The following FGF14 variants were observed in gnomAD, a reference collection of about 807,000 sequenced individuals.
FGF14 encodes fibroblast growth factor 14, also known as fibroblast growth factor homologous factor 4.
A neutral mutation model predicts 25.5 loss-of-function variants in FGF14; 5 were observed. That is an observed-to-expected ratio of 0.20 (90% CI 0.10 to 0.41). FGF14 has a LOEUF of 0.41. Among genes scored for constraint, FGF14 ranks in the 10% least tolerant of loss-of-function variants. FGF14 has a pLI of 1.00. For missense variants in FGF14, 222 were observed against 320.1 expected (o/e 0.69, Z 2.34); for synonymous variants, 138 against 118.3 (o/e 1.17, Z -1.08).
At chr13:102,055,994 C>G (rs773790872) in intron 1 of FGF14, among the ~76,000 whole-genome samples, 12 of 152,158 alleles carry the variant, frequency 7.9e-5, no homozygotes, top group African/African-American at 2.9e-4. Context: ...TTCACTACCA[C>G]GAGAACAGTA....
intron 1 of FGF14, among the ~76,000 whole-genome samples, chr13:102,075,278 G>T (rs964244315): frequency 9.2e-5 from 14 of 152,150 alleles, no homozygotes; most frequent in African/African-American, 3.4e-4. Flanking sequence ...TGCTAACTAT[G>T]AACTATCAGA....
intron 3 of FGF14, chr13:101,802,493 G>A (rs2040933848): frequency 5.9e-6 from 1 of 170,326 alleles, no homozygotes; most frequent in Non-Finnish European, 1.3e-5. Context: ...TTTAGAGGAG[G>A]AGAGTGCTGT....
chr13:101,811,042 G>A (rs376468715), intron 3 of FGF14, among the ~76,000 whole-genome samples: 3 of 85,230 alleles, frequency 3.5e-5, no homozygotes, highest in South Asian at 4.4e-4. Context: ...GCCCCCCCCG[G>A]CCCCCGCATT....
chr13:102,240,597 G>C (rs2051548162), intron 1 of FGF14, among the ~76,000 whole-genome samples: 1 of 152,152 alleles, frequency 6.6e-6, no homozygotes, highest in African/African-American at 2.4e-5. Flanking sequence ...AACTACTGCA[G>C]TGCCAGTTCT....
At chr13:101,852,613 T>G (rs547233089) in intron 3 of FGF14, among the ~76,000 whole-genome samples, 34 of 152,002 alleles carry the variant, frequency 2.2e-4, no homozygotes, top group Non-Finnish European at 4.3e-4. Context: ...TGACACTCTC[T>G]TAAAGGAAAT....
In FGF14 at chr13:101,719,514, A is replaced by T. The variant is rs2034847847; in HGVS notation, c.*3317T>A. ...TCTTTACATAGGGTGGAGAATTGTC[A>T]TGTCTTCTCTAATTTTTCCAAGTAA... On this transcript the variant is annotated 3_prime_UTR_variant, in exon 5 of 5. Coordinates refer to ENST00000376143, the MANE Select transcript of FGF14 (RefSeq NM_004115.4). 1 of 152,126 alleles carries T rather than the reference A, an allele frequency of 6.6e-6. No individual in the cohort carries two copies. The highest frequency in any genetic ancestry group is 1.5e-5 in the Non-Finnish European group (1 of 67,996). The allele number at this position is 152,126 out of a possible 1,614,324, so 9.4% of individuals were successfully genotyped here. A position where few individuals can be genotyped will look rare whatever the true frequency, so the allele number is the denominator to read the frequency against.
At chr13:102,391,935 T>C (rs201065459) in intron 1 of FGF14, among the ~76,000 whole-genome samples, 1 of 152,234 alleles carries the variant, frequency 6.6e-6, no homozygotes, top group Admixed American at 6.5e-5. Context: ...TAAGTGGCTG[T>C]TGAAACAAAA....
intron 1 of FGF14, among the ~76,000 whole-genome samples, chr13:102,146,442 A>G (rs1197880367): frequency 3.3e-5 from 5 of 152,174 alleles, no homozygotes; most frequent in Admixed American, 2.6e-4. Context: ...TGTGCAAGAG[A>G]ACTTAAATAC....
intron 1 of FGF14, among the ~76,000 whole-genome samples, chr13:102,156,748 A>T (rs1364225005): frequency 6.6e-6 from 1 of 152,160 alleles, no homozygotes; most frequent in Non-Finnish European, 1.5e-5. Context: ...ACATGATTGT[A>T]TATCTAGAAA....
At chr13:102,333,944 C>T (rs1393317503) in intron 1 of FGF14, among the ~76,000 whole-genome samples, 3 of 152,148 alleles carry the variant, frequency 2.0e-5, no homozygotes, top group Admixed American at 2.0e-4. Context: ...TTTTCCCTGG[C>T]TGACAGCAAT....
chr13:102,335,449 T>C (rs1594883493), intron 1 of FGF14, among the ~76,000 whole-genome samples: 2 of 152,052 alleles, frequency 1.3e-5, no homozygotes, highest in African/African-American at 2.4e-5. Flanking sequence ...TAGTCTTTTG[T>C]TAAGATTAAG....
Position 101,768,472 on chromosome 13 carries a change from TAA to T in FGF14, c.409-41664_409-41663del, listed in dbSNP as rs1237479485. Among the ~76,000 whole-genome samples the T allele has an allele frequency of 2.6e-5, 4 of 152,238 alleles. No individual in the cohort carries two copies. In the South Asian group the frequency reaches 6.2e-4, roughly 24 times the overall value. On this transcript the variant is annotated intron_variant, in intron 3 of 4. Transcript: ENST00000376143. ...TTGGTGGATTTTGACACACTGATACTAAAGTTTACACGGAGAGGCAAAGGTCC... is the reference window on the plus strand; with the variant it reads ...TTGGTGGATTTTGACACACTGATACTAGTTTACACGGAGAGGCAAAGGTCC...
chr13:101,769,480 C>A lies in FGF14; in HGVS notation c.409-42670G>T, dbSNP rs1168232208. ...ATGTACCCTAAAATGCTAAAAACTT[C>A]TGTCTACACGAAAACCTGCATGCAA... On this transcript the variant is annotated intron_variant, in intron 3 of 4. Coordinates refer to ENST00000376143, the MANE Select transcript of FGF14 (RefSeq NM_004115.4). Among the ~76,000 whole-genome samples the A allele has an allele frequency of 2.6e-5, 4 of 152,144 alleles. No individual in the cohort carries two copies. In the East Asian group the frequency reaches 5.8e-4, roughly 22 times the overall value.
chr13:102,065,085 C>T (rs1357051103), intron 1 of FGF14, among the ~76,000 whole-genome samples: 1 of 151,968 alleles, frequency 6.6e-6, no homozygotes, highest in Non-Finnish European at 1.5e-5. Flanking sequence ...GTTCTTTGTT[C>T]CAAATAATAT....
intron 1 of FGF14, among the ~76,000 whole-genome samples, chr13:102,083,201 A>G (rs999028925): frequency 1.3e-5 from 2 of 152,170 alleles, no homozygotes; most frequent in African/African-American, 4.8e-5. Context: ...CACCATTGCT[A>G]TCACCTTGGT....
intron 1 of FGF14, among the ~76,000 whole-genome samples, chr13:101,922,249 C>T (rs910378783): frequency 2.6e-5 from 4 of 152,204 alleles, no homozygotes; most frequent in Non-Finnish European, 4.4e-5. Context: ...CTTTAAGCAC[C>T]AAGACACCTA....
At chr13:102,179,095 G>A (rs930666263) in intron 1 of FGF14, among the ~76,000 whole-genome samples, 1 of 152,110 alleles carries the variant, frequency 6.6e-6, no homozygotes, top group African/African-American at 2.4e-5. Context: ...GCAGCCCATG[G>A]CAGTAGCATA....
At chr13:102,195,899 C>G (rs989172392) in intron 1 of FGF14, among the ~76,000 whole-genome samples, 2 of 151,234 alleles carry the variant, frequency 1.3e-5, no homozygotes, top group African/African-American at 4.9e-5. Context: ...TAACACAGAA[C>G]ATTACATTTG....
chr13:101,836,183 G>A (rs533387202), intron 3 of FGF14, among the ~76,000 whole-genome samples: 1 of 152,102 alleles, frequency 6.6e-6, no homozygotes, highest in African/African-American at 2.4e-5. Flanking sequence ...TCCAGTGAGG[G>A]AACTGGAGAG....
Sources: allele counts gnomAD v4.1 joint callset (sites outside exome capture counted in the v4.1 genomes callset), GRCh38; gene constraint gnomAD v4.1.1; transcripts MANE v1.5; gene names NCBI Gene and HGNC (gene_info 2026-07-23, HGNC 2026-07-21).